PIEZO1: variants seen among roughly 807,000 people sequenced by gnomAD.
The protein encoded by PIEZO1 is piezo-type mechanosensitive ion channel component 1.
In PIEZO1, 296 loss-of-function variants were observed where a neutral mutation model predicts 297.2. The observed-to-expected ratio is 1.00, with a 90% CI of 0.91 to 1.10. The LOEUF (loss-of-function observed/expected upper bound fraction) is 1.10. Ranked by LOEUF, PIEZO1 falls within the 50% of genes least tolerant of loss-of-function variation. The pLI, the probability that PIEZO1 is intolerant of heterozygous loss-of-function variation, is 0.00. For missense variants in PIEZO1, 5,018 were observed against 3,455.5 expected (o/e 1.45, Z -11.34); for synonymous variants, 2,427 against 1,507.5 (o/e 1.61, Z -14.13).
At chr16:88,749,114 C>G in intron 2 of PIEZO1, among the ~76,000 whole-genome samples, 1 of 151,606 alleles carries the variant, frequency 6.6e-6, no homozygotes. Flanking sequence ...GTGGCGGGCG[C>G]CTGTAGTCCC....
rs756246438 is a variant in PIEZO1, at chr16:88,726,797, C to G, written c.3617G>C (p.Arg1206Thr). 2.6e-6 allele frequency: 4 copies of G among 1,550,304 alleles called. No individual in the cohort carries two copies. The highest frequency in any genetic ancestry group is 2.4e-5 in the East Asian group (1 of 40,910). Residue 1206 changes from arginine (R) to threonine (T), a missense_variant, in exon 25 of 51, where the codon AGG becomes ACG. Coordinates refer to ENST00000301015, the MANE Select transcript of PIEZO1 (RefSeq NM_001142864.4). Reference sequence around the variant, plus strand: ...CAGCACGAGGCGGGCCCGTGTGTCCCTCTGCAGCAGGGCCGTGCCGAAGAG... The same window carrying G: ...CAGCACGAGGCGGGCCCGTGTGTCCGTCTGCAGCAGGGCCGTGCCGAAGAG... Reference protein sequence around the residue: ...LLLFGTALLQRDTRARLVLWD... With the variant: ...LLLFGTALLQTDTRARLVLWD...
At chr16:88,784,731 T>A (rs1908099636) in intron 1 of PIEZO1, among the ~76,000 whole-genome samples, 170 bp downstream of exon 1, 1 of 151,472 alleles carries the variant, frequency 6.6e-6, no homozygotes, top group South Asian at 2.1e-4. Flanking sequence ...CGCCGCCGCC[T>A]GGCGCGCTCA....
intron 1 of PIEZO1, among the ~76,000 whole-genome samples, chr16:88,753,302 C>T (rs1374117227): frequency 2.9e-5 from 3 of 102,514 alleles, no homozygotes; most frequent in Non-Finnish European, 4.1e-5. Flanking sequence ...CCCGGCCCCC[C>T]GCAGCACACC....
rs1307782197 is a variant in PIEZO1, at chr16:88,734,329, G to A, written c.2180+27C>T. ...GGCCCAGGAGGCTACACCTCTCCAG[G>A]GCCGGACAGGGAGGGCGGGGCCGCA... On this transcript the variant is annotated intron_variant, in intron 16 of 50. Transcript: ENST00000301015. 9 of 1,487,902 alleles carry A rather than the reference G, an allele frequency of 6.0e-6. No homozygotes were observed. The South Asian group carries it at 1.2e-4, about 20-fold the overall frequency. The allele number at this position is 1,487,902 out of a possible 1,614,324, so 92.2% of individuals were successfully genotyped here. A position where few individuals can be genotyped will look rare whatever the true frequency, so the allele number is the denominator to read the frequency against.
intron 1 of PIEZO1, among the ~76,000 whole-genome samples, chr16:88,783,740 T>A (rs1354114458): frequency 6.6e-6 from 1 of 152,204 alleles, no homozygotes; most frequent in Non-Finnish European, 1.5e-5. Flanking sequence ...CCAGCCTCAA[T>A]GGTTTTCATT....
In PIEZO1 at chr16:88,784,045, G is replaced by A. The variant is rs753505049; in HGVS notation, c.64+856C>T. On this transcript the variant is annotated intron_variant, in intron 1 of 50. Transcript: ENST00000301015. ...GGGGAGCCCCCGGGCGGAGGGCGCG[G>A]ACCCTGGGTCCCGGCTAGGCCAGGG... Among the ~76,000 whole-genome samples, 77 of 152,224 alleles carry A rather than the reference G, an allele frequency of 5.1e-4. 1 individual carries two copies. The highest frequency in any genetic ancestry group is 6.5e-4 in the Non-Finnish European group (44 of 68,024).
intron 1 of PIEZO1, among the ~76,000 whole-genome samples, chr16:88,778,198 C>G (rs930858194): frequency 6.6e-6 from 1 of 152,186 alleles, no homozygotes; most frequent in African/African-American, 2.4e-5. Context: ...TGGCCCGAGC[C>G]CCCTTCCTGC....
chr16:88,733,184 C>G lies in PIEZO1; in HGVS notation c.2664+94G>C, dbSNP rs536871962. 69 of 1,171,516 alleles carry G rather than the reference C, an allele frequency of 5.9e-5. 1 individual carries two copies. The South Asian group carries it at 1.0e-3, about 18-fold the overall frequency. 72.6% of individuals were successfully genotyped at this position (1,171,516 alleles called of 1,614,324 possible). On this transcript the variant is annotated intron_variant, in intron 19 of 50. Coordinates refer to ENST00000301015, the MANE Select transcript of PIEZO1 (RefSeq NM_001142864.4). ...AGAGTCCTCCATCTCCATTGCTGGC[C>G]CCACTGCACTGAGGCAGCTGCCCCA...
rs1168119514 is a variant in PIEZO1 at position 88,725,480 on chromosome 16, C to G, written c.4098G>C (p.Gln1366His). 7.9e-6 allele frequency: 12 copies of G among 1,523,538 alleles called. No individual in the cohort carries two copies. Among genetic ancestry groups the G allele is most frequent in the East Asian group, 4.9e-5 (2 of 40,532 alleles). The allele number at this position is 1,523,538 out of a possible 1,614,324, so 94.4% of individuals were successfully genotyped here. The change falls in exon 29 of 51, where the codon CAG becomes CAC. Residue 1366 changes from glutamine (Q) to histidine (H), a missense_variant. Physicochemically the swap from Gln to His is conservative, Grantham distance 24. Coordinates refer to ENST00000301015, the MANE Select transcript of PIEZO1 (RefSeq NM_001142864.4). ...RIRAKQEKHR[Q>H]GRVDRSRPQD... ...GGGGGCGACTGCGGTCCACCCGGCC[C>G]TGCCTGTGCTTCTCCTGCTTGGCAC...
At chr16:88,733,820 C>G (rs1905035673) in intron 17 of PIEZO1, 75 bp from the exon 18 acceptor site, 1 of 1,466,710 alleles carries the variant, frequency 6.8e-7, no homozygotes, top group African/African-American at 1.4e-5. Flanking sequence ...GGCTCTGGAG[C>G]CCAGAGGGGA....
intron 1 of PIEZO1, among the ~76,000 whole-genome samples, chr16:88,772,144 A>G (rs1907453737): frequency 6.6e-6 from 1 of 152,070 alleles, no homozygotes; most frequent in Non-Finnish European, 1.5e-5. Flanking sequence ...CTGCGGCCCC[A>G]GGCCCTCCTG....
intron 35 of PIEZO1, 64 bp from the exon 36 acceptor site, chr16:88,722,461 G>C: frequency 6.9e-7 from 1 of 1,454,106 alleles, no homozygotes; most frequent in Admixed American, 2.5e-5. Context: ...CTACAGGGAG[G>C]GTCAGGGTGG....
chr16:88,771,770 C>T (rs1177066138), intron 1 of PIEZO1, among the ~76,000 whole-genome samples: 5 of 140,568 alleles, frequency 3.6e-5, no homozygotes, highest in Admixed American at 7.1e-5. Flanking sequence ...CGTCCACCCG[C>T]GGCCCCAGGC....
At chr16:88,764,342 G>A (rs191318285) in intron 1 of PIEZO1, among the ~76,000 whole-genome samples, 3 of 152,228 alleles carry the variant, frequency 2.0e-5, no homozygotes, top group East Asian at 3.9e-4. Flanking sequence ...CACCAGCGTC[G>A]CTGGATCCTG....
chr16:88,764,212 G>C (rs1409437964), intron 1 of PIEZO1, among the ~76,000 whole-genome samples: 1 of 152,170 alleles, frequency 6.6e-6, no homozygotes, highest in Non-Finnish European at 1.5e-5. Flanking sequence ...TGTGCCTTGA[G>C]ACACGGGGTC....
chr16:88,725,429 G>C lies in PIEZO1; in HGVS notation c.4149C>G (p.Pro1383=). Residue 1383 remains proline (P), a synonymous_variant, in exon 29 of 51, where the codon CCC becomes CCG. Transcript: ENST00000301015. ...AGCTGCACTCACCTGGCTCCAGGCC[G>C]GGGTCCTTGGGGCCCAGGGTGTCCT... ...RPQDTLGPKD[P]GLEPGPDSPG... 6.8e-7 allele frequency: 1 copy of C among 1,460,712 alleles called. No individual in the cohort carries two copies. Among genetic ancestry groups the C allele is most frequent in the Non-Finnish European group, 9.0e-7 (1 of 1,105,374 alleles). The allele number at this position is 1,460,712 out of a possible 1,614,324, so 90.5% of individuals were successfully genotyped here.
Position 88,727,047 on chromosome 16 carries a change from G to A in PIEZO1, c.3447C>T (p.Ile1149=), listed in dbSNP as rs1904495797. 1.9e-6 allele frequency: 3 copies of A among 1,548,912 alleles called. No homozygotes were observed. The highest frequency in any genetic ancestry group is 2.6e-6 in the Non-Finnish European group (3 of 1,145,922). Residue 1149 remains isoleucine (I), a synonymous_variant, in exon 24 of 51, where the codon ATC becomes ATT. Coordinates refer to ENST00000301015, the MANE Select transcript of PIEZO1 (RefSeq NM_001142864.4). Reference sequence around the variant, plus strand: ...GGTGACGTGGAACCCACCTGCAGTGGATAAAGTTGGGCACGGGGTTGGGCT... The same window carrying A: ...GGTGACGTGGAACCCACCTGCAGTGAATAAAGTTGGGCACGGGGTTGGGCT... The part of the protein sequence containing the change: ...RGEPNPVPNF[I]HCRSYLDMLK...
At chr16:88,741,952 G>C (rs1905705918) in intron 4 of PIEZO1, 101 bp downstream of exon 4, 3 of 1,322,436 alleles carry the variant, frequency 2.3e-6, no homozygotes, top group Non-Finnish European at 2.1e-6. Context: ...GTGTGGATGA[G>C]TCTCCAGGTC....
intron 1 of PIEZO1, among the ~76,000 whole-genome samples, chr16:88,770,604 C>G (rs1166887542): frequency 1.3e-5 from 2 of 152,236 alleles, no homozygotes; most frequent in Non-Finnish European, 2.9e-5. Context: ...TCCCTTCCCC[C>G]TCAGCCTGAA....
Sources: allele counts gnomAD v4.1 joint callset (sites outside exome capture counted in the v4.1 genomes callset), GRCh38; gene constraint gnomAD v4.1.1; transcripts MANE v1.5; gene names NCBI Gene and HGNC (gene_info 2026-07-23, HGNC 2026-07-21).